IL7R: variants seen among roughly 807,000 people sequenced by gnomAD.
The protein encoded by IL7R is interleukin-7 receptor subunit alpha.
A neutral mutation model predicts 47.0 loss-of-function variants in IL7R; 38 were observed. The observed-to-expected ratio is 0.81, with a 90% CI of 0.62 to 1.06. The LOEUF (loss-of-function observed/expected upper bound fraction) is 1.06, where lower values mean the gene tolerates loss of function less well. IL7R is among the 50% of genes least tolerant of loss of function. IL7R has a pLI of 0.00. For synonymous variants in IL7R, 221 were observed against 199.8 expected, an observed-to-expected ratio of 1.11 and a Z score of -0.89; for missense variants, 633 against 534.8, an observed-to-expected ratio of 1.18 and a Z score of -1.81.
rs367670944 is a variant in IL7R at position 35,879,221 on chromosome 5, C to T, written c.*2735C>T. On this transcript the variant is annotated 3_prime_UTR_variant, in exon 8 of 8. Transcript: ENST00000303115. Reference sequence around the variant, plus strand: ...GTCTAGGGCACCCAGGCTGATTCAGCTGATTTCCTACCAGCCTTTGCCTCT... The same window carrying T: ...GTCTAGGGCACCCAGGCTGATTCAGTTGATTTCCTACCAGCCTTTGCCTCT... 5.1e-5 allele frequency: 12 copies of T among 233,090 alleles called. No homozygotes were observed. The highest frequency in any genetic ancestry group is 2.6e-4 in the African/African-American group (12 of 45,476). 14.4% of individuals were successfully genotyped at this position (233,090 alleles called of 1,614,324 possible).
intron 2 of IL7R, among the ~76,000 whole-genome samples, chr5:35,864,405 G>T (rs1759889967): frequency 6.6e-6 from 1 of 152,090 alleles, no homozygotes; most frequent in African/African-American, 2.4e-5. Context: ...GAATGGAATT[G>T]CTGTGTCATA....
chr5:35,862,401 C>T (rs768407361), intron 2 of IL7R, among the ~76,000 whole-genome samples: 3 of 152,124 alleles, frequency 2.0e-5, no homozygotes, highest in Non-Finnish European at 2.9e-5. Flanking sequence ...CCATATTTGA[C>T]CACTTCCTTG....
intron 2 of IL7R, among the ~76,000 whole-genome samples, chr5:35,863,340 C>A (rs922254703): frequency 7.9e-5 from 12 of 152,230 alleles, no homozygotes; most frequent in Middle Eastern, 6.8e-3. Context: ...GATTCTGTAA[C>A]AAAAGCTAGG....
At chr5:35,872,924 G>C (rs745399413) in intron 4 of IL7R, among the ~76,000 whole-genome samples, 5 of 151,452 alleles carry the variant, frequency 3.3e-5, no homozygotes, top group Non-Finnish European at 7.4e-5. Context: ...GTATGGAATA[G>C]ATAAATTCAA....
intron 1 of IL7R, among the ~76,000 whole-genome samples, chr5:35,858,417 A>G (rs1053065494): frequency 6.6e-6 from 1 of 152,196 alleles, no homozygotes; most frequent in Non-Finnish European, 1.5e-5. Context: ...CATTTACACT[A>G]TTAATCAACT....
chr5:35,861,306 T>A (rs557148961), intron 2 of IL7R, among the ~76,000 whole-genome samples: 2 of 152,268 alleles, frequency 1.3e-5, no homozygotes, highest in East Asian at 3.9e-4. Context: ...AAAATCTGTT[T>A]GCCCAACACG....
At chr5:35,865,214 A>AT (rs1401998464) in intron 2 of IL7R, among the ~76,000 whole-genome samples, 2 of 151,802 alleles carry the variant, frequency 1.3e-5, no homozygotes, top group African/African-American at 4.8e-5. Context: ...GCAGTGTTTG[A>AT]TTTTTTGTCC....
intron 4 of IL7R, among the ~76,000 whole-genome samples, chr5:35,871,853 A>G (rs1184762810): frequency 1.3e-5 from 2 of 150,980 alleles, no homozygotes; most frequent in Non-Finnish European, 1.5e-5. Context: ...ATTTCTCTTA[A>G]CCCACCAACC....
chr5:35,872,512 T>TAA (rs11567775), intron 4 of IL7R, among the ~76,000 whole-genome samples: 1 of 151,856 alleles, frequency 6.6e-6, no homozygotes, highest in Non-Finnish European at 1.5e-5. Context: ...TTGTTTTAAT[T>TAA]AAAAAAAATT....
rs866702783 is a variant in IL7R at position 35,877,559 on chromosome 5, G to A, written c.*1073G>A. ...TGTCGCTGACCCTGGACATGGGTAC[G>A]TTTGACGAGTGAGAGGAGGCATGAC... On this transcript the variant is annotated 3_prime_UTR_variant, in exon 8 of 8. Coordinates refer to ENST00000303115, the MANE Select transcript of IL7R (RefSeq NM_002185.5). 12 of 233,168 alleles carry A rather than the reference G, an allele frequency of 5.1e-5. No individual in the cohort carries two copies. In the East Asian group the frequency reaches 6.0e-4, roughly 12 times the overall value. 14.4% of individuals were successfully genotyped at this position (233,168 alleles called of 1,614,324 possible). A position where few individuals can be genotyped will look rare whatever the true frequency, so the allele number is the denominator to read the frequency against.
In IL7R at chr5:35,873,490, T is replaced by C; in HGVS notation, c.548T>C (p.Leu183Ser). The change falls in exon 5 of 8, where the codon TTA becomes TCA. Residue 183 changes from leucine to serine, a missense_variant. Physicochemically the swap from Leu to Ser is moderately radical, Grantham distance 145. Coordinates refer to ENST00000303115, the MANE Select transcript of IL7R (RefSeq NM_002185.5). ...KDENKWTHVN[L>S]SSTKLTLLQR... ...CACTCTACTCTCTAGCATGTGAATT[T>C]ATCCAGCACAAAGCTGACACTCCTG... is the stretch of plus-strand genomic sequence containing the variant. 6.2e-7 allele frequency: 1 copy of C among 1,614,032 alleles called. No individual in the cohort carries two copies. Among genetic ancestry groups the C allele is most frequent in the Non-Finnish European group, 8.5e-7 (1 of 1,179,898 alleles).
rs77118170 is a variant in IL7R, at chr5:35,877,137, C to G, written c.*651C>G. On this transcript the variant is annotated 3_prime_UTR_variant, in exon 8 of 8. Transcript: ENST00000303115. ...CCCCATTCTTGAGTGCCAAACGTCA[C>G]TAGTAACAGGGTGTGCCTAGATAAT... The G allele has an allele frequency of 2.3e-3, 529 of 233,828 alleles. 8 individuals are homozygous for G. The East Asian group carries it at 0.031, about 14-fold the overall frequency. 14.5% of individuals were successfully genotyped at this position (233,828 alleles called of 1,614,324 possible).
chr5:35,867,855 A>C (rs964696883), intron 3 of IL7R, among the ~76,000 whole-genome samples: 4 of 152,134 alleles, frequency 2.6e-5, no homozygotes, highest in Non-Finnish European at 1.5e-5. Flanking sequence ...AAGTTTAGCT[A>C]ACTTATCAAG....
At chr5:35,866,635 T>A (rs980577430) in intron 2 of IL7R, among the ~76,000 whole-genome samples, 12 of 152,174 alleles carry the variant, frequency 7.9e-5, no homozygotes, top group African/African-American at 2.9e-4. Flanking sequence ...TTTACTAATT[T>A]GTGTTTATAA....
chr5:35,875,125 G>A (rs987107), intron 6 of IL7R, among the ~76,000 whole-genome samples: 40,801 of 152,112 alleles, frequency 0.27, 5,761 homozygotes, highest in Middle Eastern at 0.31. Context: ...CAGAGTTGCT[G>A]TCAGTAAAGA....
rs1760238215 is a variant in IL7R, at chr5:35,877,104, G to A, written c.*618G>A. Reference sequence around the variant, plus strand: ...TGAGCCATGTGCCTTTCTCTTCACTGAGGACTGCCCCATTCTTGAGTGCCA... The same window carrying A: ...TGAGCCATGTGCCTTTCTCTTCACTAAGGACTGCCCCATTCTTGAGTGCCA... On this transcript the variant is annotated 3_prime_UTR_variant, in exon 8 of 8. Transcript: ENST00000303115. 4 of 234,740 alleles carry A rather than the reference G, an allele frequency of 1.7e-5. No homozygotes were observed. Among genetic ancestry groups the A allele is most frequent in the South Asian group, 1.8e-4 (1 of 5,618 alleles). The allele number at this position is 234,740 out of a possible 1,614,324, so 14.5% of individuals were successfully genotyped here. A position where few individuals can be genotyped will look rare whatever the true frequency, so the allele number is the denominator to read the frequency against.
intron 1 of IL7R, among the ~76,000 whole-genome samples, chr5:35,858,088 C>T (rs1283056881): frequency 6.6e-6 from 1 of 152,062 alleles, no homozygotes; most frequent in Admixed American, 6.6e-5. Context: ...CTTGGATTTC[C>T]ACAAAGACTG....
In IL7R at chr5:35,876,604, C is replaced by T; in HGVS notation, c.*118C>T. 1 of 1,040,592 alleles carries T rather than the reference C, an allele frequency of 9.6e-7. No individual in the cohort carries two copies. The highest frequency in any genetic ancestry group is 1.4e-6 in the Non-Finnish European group (1 of 690,398). 64.5% of individuals were successfully genotyped at this position (1,040,592 alleles called of 1,614,324 possible). Reference sequence around the variant, plus strand: ...AGACAAAATTAGCAAAACCCCACTACACAGTCTGCAAGATTCTGAAACATT... The same window carrying T: ...AGACAAAATTAGCAAAACCCCACTATACAGTCTGCAAGATTCTGAAACATT... On this transcript the variant is annotated 3_prime_UTR_variant, in exon 8 of 8. Coordinates refer to ENST00000303115, the MANE Select transcript of IL7R (RefSeq NM_002185.5).
Position 35,874,434 on chromosome 5 carries a change from A to T in IL7R, c.707-15A>T. 1 of 1,571,976 alleles carries T rather than the reference A, an allele frequency of 6.4e-7. No homozygotes were observed. The highest frequency in any genetic ancestry group is 8.8e-7 in the Non-Finnish European group (1 of 1,141,280). ...GGCTACTGAATGCTCACCACAATCTATTCTTGCTTTCCAGGGGAGATGGAT... is the reference window on the plus strand; with the variant it reads ...GGCTACTGAATGCTCACCACAATCTTTTCTTGCTTTCCAGGGGAGATGGAT... On this transcript the variant is annotated splice_polypyrimidine_tract_variant and intron_variant, in intron 5 of 7. Transcript: ENST00000303115.
Sources: gnomAD v4.1 joint callset for allele counts (sites outside exome capture counted in the v4.1 genomes callset) on GRCh38, gnomAD v4.1.1 for gene constraint, MANE v1.5 for transcripts, NCBI Gene and HGNC (gene_info 2026-07-23, HGNC 2026-07-21) for gene names.